The following MAPK12 variants were observed in gnomAD, a reference collection of about 807,000 sequenced individuals.
The protein encoded by MAPK12 is mitogen-activated protein kinase 12.
Under a neutral mutation model 49.1 loss-of-function variants are expected in MAPK12, and 49 were observed. The observed-to-expected ratio is 1.00, with a 90% CI of 0.79 to 1.27. The LOEUF (loss-of-function observed/expected upper bound fraction) is 1.27, where lower values mean the gene tolerates loss of function less well. Among genes scored for constraint, MAPK12 ranks in the 50% most tolerant of loss-of-function variants. The probability of loss-of-function intolerance (pLI) is 0.00; values close to 1 mark genes in which losing one functional copy is unlikely to be tolerated. For missense variants in MAPK12, 554 were observed against 502.4 expected (o/e 1.10, Z -0.98); for synonymous variants, 251 against 209.7 (o/e 1.20, Z -1.70).
At position 50,252,933 on chromosome 22, in the gene MAPK12, G is replaced by C. The variant is rs1156253406; in HGVS notation, c.*468C>G. On this transcript the variant is annotated 3_prime_UTR_variant, in exon 12 of 12. Coordinates refer to ENST00000215659, the MANE Select transcript of MAPK12 (RefSeq NM_002969.6). ...CTACAAAAGGGTCTATTTCCTTCCA[G>C]CCACGCGGGCACCACACAGCTGATT... The C allele has an allele frequency of 4.3e-6, 1 of 233,516 alleles. No individual in the cohort carries two copies. Among genetic ancestry groups the C allele is most frequent in the East Asian group, 1.2e-4 (1 of 8,186 alleles). 14.5% of individuals were successfully genotyped at this position (233,516 alleles called of 1,614,324 possible).
chr22:50,254,764 C>T (rs1261445028), intron 11 of MAPK12: 1 of 1,118,164 alleles, frequency 8.9e-7, no homozygotes, highest in Admixed American at 4.4e-5. Context: ...AGGTCTCTGG[C>T]CTGGACATGG....
rs1460991272 is a variant in MAPK12, at chr22:50,256,105, C to G, written c.599G>C (p.Trp200Ser). The change falls in exon 7 of 12, where the codon TGG becomes TCG. Residue 200 changes from tryptophan to serine, a missense_variant. Physicochemically the swap from Trp to Ser is radical, Grantham distance 177. Coordinates refer to ENST00000215659, the MANE Select transcript of MAPK12 (RefSeq NM_002969.6). ...CTCACCCGTCTGCGTGTAGCGCATC[C>G]AATTCAAGATGACCTCGGGAGCCCG... is the stretch of plus-strand genomic sequence containing the variant. ...WYRAPEVILN[W>S]MRYTQTVDIW... 8 of 1,612,448 alleles carry G rather than the reference C, an allele frequency of 5.0e-6. No homozygotes were observed. In the Admixed American group the frequency reaches 6.7e-5, roughly 13 times the overall value.
chr22:50,254,583 C>T (rs1003083206), intron 11 of MAPK12: 41 of 903,138 alleles, frequency 4.5e-5, no homozygotes, highest in Middle Eastern at 5.6e-4. Context: ...ACCCGGGAGA[C>T]GGAGCTTGCA....
chr22:50,260,290 C>T (rs1209817111), intron 2 of MAPK12, among the ~76,000 whole-genome samples: 1 of 151,840 alleles, frequency 6.6e-6, no homozygotes, highest in Admixed American at 6.6e-5. Flanking sequence ...TCTCCCAAGG[C>T]ACCGGTGGCT....
intron 11 of MAPK12, chr22:50,253,745 G>A (rs1001816641): frequency 1.8e-6 from 1 of 551,740 alleles, no homozygotes; most frequent in African/African-American, 1.9e-5. Context: ...CAGTTGTGTG[G>A]GTGGGGACTA....
chr22:50,258,241 A>C lies in MAPK12; in HGVS notation c.314+2T>G. 1 of 1,613,036 alleles carries C rather than the reference A, an allele frequency of 6.2e-7. No individual in the cohort carries two copies. Among genetic ancestry groups the C allele is most frequent in the Non-Finnish European group, 8.5e-7 (1 of 1,179,938 alleles). ...CAGCGGCCAGCCCAGGTCGGCACTC[A>C]CAAGTCCGTGAAGTCATCCAGGGTC... On this transcript the variant is annotated splice_donor_variant, in intron 3 of 11. Coordinates refer to ENST00000215659, the MANE Select transcript of MAPK12 (RefSeq NM_002969.6). LOFTEE classifies it high-confidence loss of function.
Position 50,261,410 on chromosome 22 carries a change from C to T in MAPK12, c.100G>A (p.Gly34Ser). 1 of 1,228,540 alleles carries T rather than the reference C, an allele frequency of 8.1e-7. No homozygotes were observed. The highest frequency in any genetic ancestry group is 1.0e-6 in the Non-Finnish European group (1 of 962,642). 76.1% of individuals were successfully genotyped at this position (1,228,540 alleles called of 1,614,324 possible). ...CACACCGCGCCGTAGGCGCCCGAGCCCACGGGCTGCAGGTCCCGGTACACG... is the reference window on the plus strand; with the variant it reads ...CACACCGCGCCGTAGGCGCCCGAGCTCACGGGCTGCAGGTCCCGGTACACG... ...RAVYRDLQPVGSGAYGAVCSA... is the reference protein window; with the variant it reads ...RAVYRDLQPVSSGAYGAVCSA... Residue 34 changes from glycine (G) to serine (S), a missense_variant, in exon 1 of 12, where the codon GGC (glycine) becomes AGC (serine). Physicochemically the swap from Gly to Ser is moderately conservative, Grantham distance 56. Transcript: ENST00000215659.
At position 50,255,502 on chromosome 22, in the gene MAPK12, T is replaced by C; in HGVS notation, c.801A>G (p.Glu267=). ...TAGAGGCAAAATCCTTCTTCTCCAA[T>C]TCGGGGAGGCCCTTCATGTAGTTCT... ...EAKNYMKGLP[E]LEKKDFASIL... is the part of the protein sequence containing the mutation. Residue 267 remains glutamate, a synonymous_variant, in exon 10 of 12, where the codon GAA becomes GAG. Transcript: ENST00000215659. 2 of 1,613,184 alleles carry C rather than the reference T, an allele frequency of 1.2e-6. No homozygotes were observed. The highest frequency in any genetic ancestry group is 1.7e-6 in the Non-Finnish European group (2 of 1,180,010).
Position 50,261,616 on chromosome 22 carries a change from CCGCT to C in MAPK12, c.-111_-108del. The C allele has an allele frequency of 1.0e-6, 1 of 989,848 alleles. No homozygotes were observed. The highest frequency in any genetic ancestry group is 1.2e-6 in the Non-Finnish European group (1 of 836,472). 61.3% of individuals were successfully genotyped at this position (989,848 alleles called of 1,614,324 possible). A position where few individuals can be genotyped will look rare whatever the true frequency, so the allele number is the denominator to read the frequency against. ...CTCGGGCCGGCTCCGCGCCGCTCGTCCGCTCGCCCGCCCGCCCGCCGGCCGCTGG... is the reference window on the plus strand; with the variant it reads ...CTCGGGCCGGCTCCGCGCCGCTCGTCCGCCCGCCCGCCCGCCGGCCGCTGG... On this transcript the variant is annotated 5_prime_UTR_variant, in exon 1 of 12. Coordinates refer to ENST00000215659, the MANE Select transcript of MAPK12 (RefSeq NM_002969.6).
Position 50,256,195 on chromosome 22 carries a change from AG to A in MAPK12, c.508del (p.Leu170TrpfsTer13). 1 of 1,611,490 alleles carries A rather than the reference AG, an allele frequency of 6.2e-7. No individual in the cohort carries two copies. Among genetic ancestry groups the A allele is most frequent in the Non-Finnish European group, 8.5e-7 (1 of 1,178,884 alleles). On this transcript the variant is annotated frameshift_variant, in exon 7 of 12. Transcript: ENST00000215659. LOFTEE classifies it high-confidence loss of function. ...TGCCTGCCTGGCCAGGCCGAAGTCCAGGATCTGTGGGAAGAATTGGGGAGGT... is the reference window on the plus strand; with the variant it reads ...TGCCTGCCTGGCCAGGCCGAAGTCCAGATCTGTGGGAAGAATTGGGGAGGT... The part of the protein sequence containing the change: ...AVNEDCELKI[L>X]DFGLARQADS...
Position 50,257,072 on chromosome 22 carries a change from G to T in MAPK12, c.426+10C>A. On this transcript the variant is annotated intron_variant, in intron 4 of 11. Transcript: ENST00000215659. Reference sequence around the variant, plus strand: ...GCCTGCCTCCCTGCAGCCTCCCCCGGGGCCCGTACCCTCAGCCCCTTCAGC... The same window carrying T: ...GCCTGCCTCCCTGCAGCCTCCCCCGTGGCCCGTACCCTCAGCCCCTTCAGC... The T allele has an allele frequency of 1.9e-6, 3 of 1,611,274 alleles. No homozygotes were observed. The highest frequency in any genetic ancestry group is 2.5e-6 in the Non-Finnish European group (3 of 1,179,276).
intron 11 of MAPK12, 21 bp from the exon 12 acceptor site, chr22:50,253,501 G>GGGA: frequency 8.5e-6 from 3 of 354,170 alleles, no homozygotes; most frequent in South Asian, 2.1e-5. Context: ...TGGGGGGGCG[G>GGGA]GCACAACAGA....
chr22:50,256,340 C>T (rs954449239), intron 6 of MAPK12, 141 bp from the exon 7 acceptor site: 11 of 737,452 alleles, frequency 1.5e-5, no homozygotes, highest in Admixed American at 5.7e-5. Context: ...CTTGAGGCCA[C>T]GCCCTCGGAC....
At chr22:50,257,279 G>T in intron 3 of MAPK12, 86 bp from the exon 4 acceptor site, 3 of 1,057,686 alleles carry the variant, frequency 2.8e-6, no homozygotes, top group Non-Finnish European at 4.3e-6. Flanking sequence ...GCTCAGACCC[G>T]TCCCGGATCC....
rs1407098056 is a variant in MAPK12 at position 50,253,270 on chromosome 22, G to A, written c.*131C>T. 2 of 739,834 alleles carry A rather than the reference G, an allele frequency of 2.7e-6. No homozygotes were observed. Among genetic ancestry groups the A allele is most frequent in the Non-Finnish European group, 2.4e-6 (1 of 410,376 alleles). The allele number at this position is 739,834 out of a possible 1,614,324, so 45.8% of individuals were successfully genotyped here. A position where few individuals can be genotyped will look rare whatever the true frequency, so the allele number is the denominator to read the frequency against. ...CATGGCCGTGGGGAGGAGGGTCCATGGAACCCGGGCGTCTGCTCTGATGGA... is the reference window on the plus strand; with the variant it reads ...CATGGCCGTGGGGAGGAGGGTCCATAGAACCCGGGCGTCTGCTCTGATGGA... On this transcript the variant is annotated 3_prime_UTR_variant, in exon 12 of 12. Coordinates refer to ENST00000215659, the MANE Select transcript of MAPK12 (RefSeq NM_002969.6).
rs1224025411 is a variant in MAPK12, at chr22:50,258,005, C to T, written c.314+238G>A. On this transcript the variant is annotated intron_variant, in intron 3 of 11. Transcript: ENST00000215659. The stretch of plus-strand genomic sequence containing the variant: ...TCCGGTGCTGGAGAGGGCCCAGGTG[C>T]CAGGCGTGGAGAGAGGCAGCAGCCC... 1.2e-5 allele frequency: 9 copies of T among 739,236 alleles called. No homozygotes were observed. The East Asian group carries it at 2.1e-4, about 17-fold the overall frequency. The allele number at this position is 739,236 out of a possible 1,614,324, so 45.8% of individuals were successfully genotyped here.
At chr22:50,260,267 C>G (rs991690087) in intron 2 of MAPK12, among the ~76,000 whole-genome samples, 1 of 130,464 alleles carries the variant, frequency 7.7e-6, no homozygotes. Flanking sequence ...TGCTGGTGGA[C>G]GCAGGGACTC....
rs868013627 is a variant in MAPK12, at chr22:50,261,447, C to A, written c.63G>T (p.Trp21Cys). The part of the protein sequence containing the change: ...FYRQEVTKTA[W>C]EVRAVYRDLQ... ...GGTCCCGGTACACGGCGCGCACCTC[C>A]CAGGCCGTCTTGGTCACCTCCTGGC... Residue 21 changes from tryptophan (W) to cysteine (C), a missense_variant, in exon 1 of 12, where the codon TGG becomes TGT. By Grantham distance (215) the Trp-to-Cys change is radical. Transcript: ENST00000215659. 2.3e-6 allele frequency: 3 copies of A among 1,282,234 alleles called. No homozygotes were observed. Among genetic ancestry groups the A allele is most frequent in the South Asian group, 3.2e-5 (2 of 62,698 alleles). The allele number at this position is 1,282,234 out of a possible 1,614,324, so 79.4% of individuals were successfully genotyped here.
rs559524437 is a variant in MAPK12 at position 50,256,925 on chromosome 22, C to T, written c.456+10G>A. On this transcript the variant is annotated intron_variant, in intron 5 of 11. Transcript: ENST00000215659. The stretch of plus-strand genomic sequence containing the variant: ...GAGGGCTGATGAGCGGCTTCTCCAC[C>T]GGGACTCACTCTGTGGATGATGCCG... 3.4e-5 allele frequency: 54 copies of T among 1,605,160 alleles called. No homozygotes were observed. Among genetic ancestry groups the T allele is most frequent in the Middle Eastern group, 1.6e-4 (1 of 6,066 alleles).
Sources: allele counts gnomAD v4.1 joint callset (sites outside exome capture counted in the v4.1 genomes callset), GRCh38; gene constraint gnomAD v4.1.1; transcripts MANE v1.5; gene names NCBI Gene and HGNC (gene_info 2026-07-23, HGNC 2026-07-21).